GALNT16: variants seen among roughly 807,000 people sequenced by gnomAD.
GALNT16 encodes the protein polypeptide N-acetylgalactosaminyltransferase 16.
GALNT16 carries 40 observed loss-of-function variants against 76.1 expected under a neutral mutation model. The observed-to-expected ratio is 0.53, with a 90% CI of 0.41 to 0.68. The LOEUF is 0.68. GALNT16 is among the 30% of genes least tolerant of loss of function. The pLI is 0.00. For missense variants in GALNT16, 621 were observed against 731.9 expected, an observed-to-expected ratio of 0.85 and a Z score of 1.75; for synonymous variants, 276 against 285.2, an observed-to-expected ratio of 0.97 and a Z score of 0.32.
At chr14:69,328,401 A>G (rs1373100246) in intron 5 of GALNT16, 49 bp from the exon 6 acceptor site, 10 of 1,585,192 alleles carry the variant, frequency 6.3e-6, no homozygotes, top group Non-Finnish European at 8.6e-6. Flanking sequence ...ACAGGTGGGA[A>G]GCCAGTTGGC....
intron 11 of GALNT16, 89 bp downstream of exon 11, chr14:69,339,708 C>A: frequency 1.4e-6 from 1 of 736,656 alleles, no homozygotes; most frequent in East Asian, 2.8e-5. Flanking sequence ...CGCCAGGGAA[C>A]CACCCGCCAC....
intron 9 of GALNT16, among the ~76,000 whole-genome samples, chr14:69,334,895 T>A (rs568459038): frequency 8.6e-5 from 13 of 151,794 alleles, no homozygotes; most frequent in African/African-American, 2.9e-4. Context: ...GGCAGGTCCT[T>A]GGTGGCCTGT....
chr14:69,385,433 T>C, the GALNT16 span, among the ~76,000 whole-genome samples: 1 of 152,130 alleles, frequency 6.6e-6, no homozygotes, highest in Admixed American at 6.6e-5. Context: ...ATACAGAAGA[T>C]AATTCCCCCC....
intron 9 of GALNT16, among the ~76,000 whole-genome samples, chr14:69,334,833 C>A (rs56238269): frequency 1.6e-4 from 24 of 152,198 alleles, no homozygotes; most frequent in African/African-American, 4.6e-4. Context: ...CAAACAGCGA[C>A]GTGGAGACGG....
the GALNT16 span, among the ~76,000 whole-genome samples, chr14:69,365,462 T>C: frequency 1.3e-5 from 2 of 152,198 alleles, no homozygotes; most frequent in East Asian, 3.9e-4. Context: ...AACGAGATCA[T>C]GTCCTTTGCA....
chr14:69,358,657 G>A (rs1164835017), downstream of GALNT16: 4 of 152,626 alleles, frequency 2.6e-5, no homozygotes, highest in East Asian at 1.9e-4. Flanking sequence ...TTAGAGCTCC[G>A]GGGGGTTCCC....
At chr14:69,362,044 A>G in the GALNT16 span, among the ~76,000 whole-genome samples, 2 of 152,186 alleles carry the variant, frequency 1.3e-5, no homozygotes, top group Admixed American at 1.3e-4. Context: ...CAGGGCAGGA[A>G]ATTGGGAGCA....
intron 1 of GALNT16, among the ~76,000 whole-genome samples, chr14:69,264,917 G>A (rs568614075): frequency 1.4e-5 from 2 of 145,722 alleles, no homozygotes; most frequent in South Asian, 2.2e-4. Flanking sequence ...GGGCTCAAGC[G>A]ATTCCCCTGC....
intron 1 of GALNT16, among the ~76,000 whole-genome samples, chr14:69,294,367 C>T (rs2044726243): frequency 6.6e-6 from 1 of 152,212 alleles, no homozygotes; most frequent in Admixed American, 6.5e-5. Context: ...AATGATCCAT[C>T]TGCTTTGGCC....
chr14:69,288,205 T>C (rs12437334), intron 1 of GALNT16, among the ~76,000 whole-genome samples: 61,251 of 151,874 alleles, frequency 0.4, 12,965 homozygotes, highest in East Asian at 0.62. Flanking sequence ...GGAGAGAGTA[T>C]CATTTGTTTA....
chr14:69,263,916 G>T (rs2044307947), intron 1 of GALNT16, among the ~76,000 whole-genome samples: 1 of 151,876 alleles, frequency 6.6e-6, no homozygotes, highest in African/African-American at 2.4e-5. Context: ...CAGTAGATTT[G>T]GGGACATCCC....
At position 69,352,361 on chromosome 14, in the gene GALNT16, C is replaced by A. The variant is rs2045649471; in HGVS notation, c.*193C>A. On this transcript the variant is annotated 3_prime_UTR_variant, in exon 15 of 15. Coordinates refer to ENST00000448469, the MANE Select transcript of GALNT16 (RefSeq NM_001168368.2). ...GCAGGCGGGCACGCCCCGATGCCCT[C>A]AGTGCTGTCCTGGCCTTGCCCCGGG... 3 of 591,432 alleles carry A rather than the reference C, an allele frequency of 5.1e-6. No homozygotes were observed. The Admixed American group carries it at 9.7e-5, about 19-fold the overall frequency. 36.6% of individuals were successfully genotyped at this position (591,432 alleles called of 1,614,324 possible).
intron 12 of GALNT16, among the ~76,000 whole-genome samples, chr14:69,342,931 G>A (rs930419774): frequency 2.6e-4 from 40 of 152,302 alleles, no homozygotes; most frequent in African/African-American, 8.9e-4. Context: ...CCTTGTAGCC[G>A]TTATTATCAT....
the GALNT16 span, among the ~76,000 whole-genome samples, chr14:69,380,903 T>G: frequency 3.3e-5 from 5 of 152,248 alleles, no homozygotes; most frequent in African/African-American, 1.2e-4. Flanking sequence ...CATATCTACT[T>G]CTTGACAGAG....
chr14:69,334,929 T>C (rs2045398183), intron 9 of GALNT16, among the ~76,000 whole-genome samples: 1 of 152,020 alleles, frequency 6.6e-6, no homozygotes, highest in Non-Finnish European at 1.5e-5. Flanking sequence ...GTGGGCCCAG[T>C]CCTTCACAGA....
chr14:69,354,367 T>C lies in GALNT16; in HGVS notation c.*2199T>C, dbSNP rs1296232420. 6.5e-6 allele frequency: 1 copy of C among 152,890 alleles called. No homozygotes were observed. Among genetic ancestry groups the C allele is most frequent in the African/African-American group, 2.4e-5 (1 of 41,468 alleles). The allele number at this position is 152,890 out of a possible 1,614,324, so 9.5% of individuals were successfully genotyped here. A position where few individuals can be genotyped will look rare whatever the true frequency, so the allele number is the denominator to read the frequency against. On this transcript the variant is annotated 3_prime_UTR_variant, in exon 15 of 15. Transcript: ENST00000448469. ...TGGCAACGCAGCCCTGTTCTGTTTTTGCTTTTCCTCTTCTTGACCAAAGCA... is the reference window on the plus strand; with the variant it reads ...TGGCAACGCAGCCCTGTTCTGTTTTCGCTTTTCCTCTTCTTGACCAAAGCA...
At chr14:69,377,641 T>C in the GALNT16 span, among the ~76,000 whole-genome samples, 2 of 151,480 alleles carry the variant, frequency 1.3e-5, no homozygotes, top group South Asian at 2.1e-4. Context: ...ACCTCATCTC[T>C]ACAAAAAATA....
At chr14:69,337,858 A>C (rs530694056) in intron 9 of GALNT16, among the ~76,000 whole-genome samples, 1 of 152,308 alleles carries the variant, frequency 6.6e-6, no homozygotes, top group East Asian at 1.9e-4. Flanking sequence ...GTTGGAGATC[A>C]TGAGTGTCCT....
intron 2 of GALNT16, among the ~76,000 whole-genome samples, chr14:69,321,878 C>T (rs1485258041): frequency 6.6e-6 from 1 of 152,228 alleles, no homozygotes; most frequent in Non-Finnish European, 1.5e-5. Context: ...GCTGTGTGCT[C>T]AAAGCTAGGC....
Sources: gnomAD v4.1 joint callset for allele counts (sites outside exome capture counted in the v4.1 genomes callset) on GRCh38, gnomAD v4.1.1 for gene constraint, MANE v1.5 for transcripts, NCBI Gene and HGNC (gene_info 2026-07-23, HGNC 2026-07-21) for gene names.